OCM: variants seen among roughly 807,000 people sequenced by gnomAD.
OCM encodes oncomodulin-1.
OCM carries 18 observed loss-of-function variants against 14.1 expected under a neutral mutation model. That is an observed-to-expected ratio of 1.28 (90% CI 0.88 to 1.89). The LOEUF (loss-of-function observed/expected upper bound fraction) is 1.89. Ranked by LOEUF, OCM falls within the 40% of genes most tolerant of loss-of-function variation. The probability of loss-of-function intolerance (pLI) is 0.00; values close to 1 mark genes in which losing one functional copy is unlikely to be tolerated. For synonymous variants in OCM, 48 were observed against 51.0 expected (o/e 0.94, Z 0.25); for missense variants, 140 against 137.6 (o/e 1.02, Z -0.09).
chr7:5,864,222 C>G, the OCM span, among the ~76,000 whole-genome samples: 1 of 151,574 alleles, frequency 6.6e-6, no homozygotes, highest in Non-Finnish European at 1.5e-5. Flanking sequence ...GCCTGTGGTC[C>G]CAGCTCCTGG....
intron 3 of OCM, among the ~76,000 whole-genome samples, chr7:5,884,443 C>T (rs1781292015): frequency 6.6e-6 from 1 of 152,106 alleles, no homozygotes; most frequent in Admixed American, 6.6e-5. Context: ...AGGGTTTAGA[C>T]AAATATATTT....
At chr7:5,860,568 T>C in the OCM span, among the ~76,000 whole-genome samples, 1 of 87,718 alleles carries the variant, frequency 1.1e-5, no homozygotes, top group Non-Finnish European at 2.2e-5. Flanking sequence ...TATATACGTG[T>C]GTATATATAT....
At chr7:5,866,447 AGAAG>A in the OCM span, among the ~76,000 whole-genome samples, 3 of 113,172 alleles carry the variant, frequency 2.7e-5, no homozygotes, top group South Asian at 7.7e-4. Flanking sequence ...CAAGGAGGGA[AGAAG>A]GAAGGGAGGG....
At chr7:5,866,389 A>G in the OCM span, among the ~76,000 whole-genome samples, 4,024 of 50,824 alleles carry the variant, frequency 0.079, 369 homozygotes, top group East Asian at 0.48. Context: ...AAGGAGGAAG[A>G]GAGGAAGGAA....
chr7:5,867,444 C>A, the OCM span, among the ~76,000 whole-genome samples: 1 of 152,244 alleles, frequency 6.6e-6, no homozygotes, highest in Non-Finnish European at 1.5e-5. Flanking sequence ...TATAATAATG[C>A]GCCCTTTATA....
At position 5,882,543 on chromosome 7, in the gene OCM, A is replaced by G; in HGVS notation, c.112A>G (p.Lys38Glu). The change falls in exon 2 of 4, where the codon AAG (lysine) becomes GAG (glutamate). Residue 38 changes from lysine to glutamate, a missense_variant. Physicochemically the swap from Lys to Glu is moderately conservative, Grantham distance 56. Transcript: ENST00000242104. Reference sequence around the variant, plus strand: ...ATTCTTCCAGACATCAGGCCTCTCCAAGATGTCAGCCAATCAGGTGAAGGA... The same window carrying G: ...ATTCTTCCAGACATCAGGCCTCTCCGAGATGTCAGCCAATCAGGTGAAGGA... ...QKFFQTSGLS[K>E]MSANQVKDVF... The G allele has an allele frequency of 6.2e-7, 1 of 1,614,138 alleles. No individual in the cohort carries two copies. The highest frequency in any genetic ancestry group is 8.5e-7 in the Non-Finnish European group (1 of 1,180,020).
the OCM span, among the ~76,000 whole-genome samples, chr7:5,865,804 TG>T: frequency 6.6e-6 from 1 of 152,204 alleles, no homozygotes; most frequent in Non-Finnish European, 1.5e-5. Context: ...AGTTTAACTG[TG>T]CATTTAATAC....
At chr7:5,864,168 C>T in the OCM span, among the ~76,000 whole-genome samples, 1 of 151,354 alleles carries the variant, frequency 6.6e-6, no homozygotes, top group African/African-American at 2.4e-5. Context: ...GATGAGATCC[C>T]GTCTCTACAA....
At chr7:5,871,966 T>A in the OCM span, 1 of 152,282 alleles carries the variant, frequency 6.6e-6, no homozygotes, top group African/African-American at 2.4e-5. Context: ...AGCGCCCTGC[T>A]GCCCAGAGCT....
chr7:5,877,766 G>T (rs1781123830), upstream of OCM, among the ~76,000 whole-genome samples: 1 of 132,046 alleles, frequency 7.6e-6, no homozygotes, highest in African/African-American at 2.9e-5. Flanking sequence ...GTTGTAGTGA[G>T]CCAAGATCAT....
the OCM span, among the ~76,000 whole-genome samples, chr7:5,860,487 GTGTATA>G: frequency 1.1e-5 from 1 of 94,166 alleles, no homozygotes; most frequent in African/African-American, 5.4e-5. Context: ...GTATATATAC[GTGTATA>G]TATATATTAC....
chr7:5,883,868 A>T lies in OCM; in HGVS notation c.195-22A>T, dbSNP rs781733969. The T allele has an allele frequency of 1.4e-5, 22 of 1,612,360 alleles. No individual in the cohort carries two copies. The African/African-American group carries it at 1.7e-4, about 13-fold the overall frequency. On this transcript the variant is annotated intron_variant, in intron 2 of 3. Coordinates refer to ENST00000242104, the MANE Select transcript of OCM (RefSeq NM_001097622.2). ...ATGCATGATCTTTTTGAAAATCCCC[A>T]TGGATCTTTATTATCCTGTAGGTTT... is the stretch of plus-strand genomic sequence containing the variant.
At chr7:5,867,340 ATCTTT>A in the OCM span, among the ~76,000 whole-genome samples, 4 of 152,108 alleles carry the variant, frequency 2.6e-5, no homozygotes, top group African/African-American at 9.7e-5. Flanking sequence ...TCTGATGTCA[ATCTTT>A]TCTTTGTTCC....
chr7:5,880,763 T>A (rs562013769), upstream of OCM: 1,221 of 724,104 alleles, frequency 1.7e-3, 7 homozygotes, highest in South Asian at 2.3e-3. Context: ...CGTCTTAATT[T>A]AAAAAAAAAA....
At chr7:5,885,079 C>G (rs922335124) in intron 3 of OCM, among the ~76,000 whole-genome samples, 14 of 150,458 alleles carry the variant, frequency 9.3e-5, no homozygotes, top group Non-Finnish European at 1.6e-4. Context: ...AAGATGGCAC[C>G]ATTGCACTCC....
At chr7:5,861,519 T>G in the OCM span, among the ~76,000 whole-genome samples, 10 of 152,050 alleles carry the variant, frequency 6.6e-5, no homozygotes, top group Non-Finnish European at 1.0e-4. Context: ...CAAAGGAAAT[T>G]TACATTCAGG....
the OCM span, among the ~76,000 whole-genome samples, chr7:5,860,425 G>A: frequency 5.0e-5 from 7 of 139,118 alleles, no homozygotes; most frequent in Non-Finnish European, 7.6e-5. Context: ...TATATATTAC[G>A]TATATATGCG....
At chr7:5,867,963 C>T in the OCM span, among the ~76,000 whole-genome samples, 1 of 151,956 alleles carries the variant, frequency 6.6e-6, no homozygotes, top group Non-Finnish European at 1.5e-5. Flanking sequence ...GTCTCAAACT[C>T]CTGAGCTCTA....
chr7:5,878,265 T>G (rs1781135996), upstream of OCM, among the ~76,000 whole-genome samples: 1 of 150,838 alleles, frequency 6.6e-6, no homozygotes, highest in Non-Finnish European at 1.5e-5. Flanking sequence ...GCCCGGCCAG[T>G]AGTCAAACTA....
Sources: allele counts gnomAD v4.1 joint callset (sites outside exome capture counted in the v4.1 genomes callset), GRCh38; gene constraint gnomAD v4.1.1; transcripts MANE v1.5; gene names NCBI Gene and HGNC (gene_info 2026-07-23, HGNC 2026-07-21).